LAMA2: variants seen among roughly 807,000 people sequenced by gnomAD.
The protein encoded by LAMA2 is laminin subunit alpha-2.
A neutral mutation model predicts 364.8 loss-of-function variants in LAMA2; 269 were observed. The observed-to-expected ratio is 0.74, with a 90% CI of 0.67 to 0.82. The LOEUF is 0.82. Among genes scored for constraint, LAMA2 ranks in the 40% least tolerant of loss-of-function variants. The pLI is 0.00. For missense variants in LAMA2, 3,807 were observed against 3,873.2 expected, an observed-to-expected ratio of 0.98 and a Z score of 0.45; for synonymous variants, 1,379 against 1,370.6, an observed-to-expected ratio of 1.01 and a Z score of -0.14.
chr6:128,976,446 A>G (rs1459317527), intron 1 of LAMA2, among the ~76,000 whole-genome samples: 12 of 152,184 alleles, frequency 7.9e-5, no homozygotes, highest in Admixed American at 7.2e-4. Context: ...GAACCCAGGG[A>G]AATGGGAGGT....
intron 13 of LAMA2, among the ~76,000 whole-genome samples, chr6:129,251,418 C>T (rs535927978): frequency 7.2e-5 from 11 of 151,988 alleles, no homozygotes; most frequent in South Asian, 2.1e-4. Context: ...ATGTAACTTT[C>T]GTGCACTTTT....
intron 15 of LAMA2, among the ~76,000 whole-genome samples, chr6:129,266,675 A>G (rs939567254): frequency 2.0e-5 from 3 of 152,178 alleles, no homozygotes; most frequent in Non-Finnish European, 2.9e-5. Context: ...AAGTGAACAC[A>G]TTCCAGAGAA....
intron 20 of LAMA2, among the ~76,000 whole-genome samples, chr6:129,297,407 G>A (rs1773253181): frequency 6.6e-6 from 1 of 152,150 alleles, no homozygotes; most frequent in African/African-American, 2.4e-5. Context: ...ATCTTGAGAA[G>A]TACTGGGACA....
At position 129,126,228 on chromosome 6, in the gene LAMA2, TG is replaced by T. The variant is rs570562671; in HGVS notation, c.640-17670del. On this transcript the variant is annotated intron_variant, in intron 4 of 64. Transcript: ENST00000421865. ...AACCAGAAAAACAATTATACTTAGA[TG>T]GGCCATCTAAAATGTCCTTCCAGCT... 8.1e-4 allele frequency among the ~76,000 whole-genome samples: 123 copies of T among 152,368 alleles called. 1 individual carries two copies. Among genetic ancestry groups the T allele is most frequent in the African/African-American group, 2.9e-3 (119 of 41,598 alleles).
Position 129,232,397 on chromosome 6 carries a change from T to C in LAMA2, c.1783-17715T>C, listed in dbSNP as rs1583305328. 2.0e-5 allele frequency among the ~76,000 whole-genome samples: 3 copies of C among 152,104 alleles called. No homozygotes were observed. In the South Asian group the frequency reaches 6.2e-4, roughly 32 times the overall value. On this transcript the variant is annotated intron_variant, in intron 12 of 64. Coordinates refer to ENST00000421865, the MANE Select transcript of LAMA2 (RefSeq NM_000426.4). ...GCTGTCAGAATTTTAAATGTAAGCC[T>C]TCCTTTCCCAGGTGTTATAATTTAA...
chr6:129,182,416 A>G (rs934304508), intron 10 of LAMA2, among the ~76,000 whole-genome samples: 2 of 151,812 alleles, frequency 1.3e-5, no homozygotes, highest in Admixed American at 1.3e-4. Context: ...CTTACAATGT[A>G]TAGAGAAAAA....
intron 22 of LAMA2, among the ~76,000 whole-genome samples, chr6:129,306,264 T>G (rs1280341426): frequency 6.6e-6 from 1 of 151,166 alleles, no homozygotes; most frequent in African/African-American, 2.4e-5. Context: ...CTTCCTAATC[T>G]TTATCATTTT....
In LAMA2 at chr6:129,514,386, T is replaced by C; in HGVS notation, c.9002T>C (p.Val3001Ala). The C allele has an allele frequency of 6.2e-7, 1 of 1,613,406 alleles. No homozygotes were observed. The highest frequency in any genetic ancestry group is 8.5e-7 in the Non-Finnish European group (1 of 1,179,366). The change falls in exon 64 of 65, where the codon GTG (valine) becomes GCG (alanine). Residue 3001 changes from valine (V) to alanine (A), a missense_variant. Transcript: ENST00000421865. ...CCTACTTTCCAGTTGATGTTTCATG[T>C]GGACAATGGTGCGGGCAGATTCACT... ...EMIDEKLMFH[V>A]DNGAGRFTAV...
intron 1 of LAMA2, among the ~76,000 whole-genome samples, chr6:128,988,476 T>C (rs892701845): frequency 2.0e-5 from 3 of 152,182 alleles, no homozygotes; most frequent in Admixed American, 6.5e-5. Flanking sequence ...TATTTTCTAT[T>C]GAACAAAACC....
At chr6:128,950,293 T>TA (rs1437388112) in intron 1 of LAMA2, among the ~76,000 whole-genome samples, 2 of 151,984 alleles carry the variant, frequency 1.3e-5, no homozygotes, top group African/African-American at 4.8e-5. Context: ...TCCAGGAAGA[T>TA]ATGTTCAAAG....
At chr6:129,486,114 A>G (rs1784572615) in intron 55 of LAMA2, among the ~76,000 whole-genome samples, 1 of 152,226 alleles carries the variant, frequency 6.6e-6, no homozygotes, top group Admixed American at 6.5e-5. Context: ...GATTCTCAGA[A>G]GCTAGCTGTC....
chr6:129,107,180 G>T (rs967841282), intron 4 of LAMA2, among the ~76,000 whole-genome samples: 6 of 152,116 alleles, frequency 3.9e-5, no homozygotes, highest in African/African-American at 1.4e-4. Context: ...CTCTGCCAAG[G>T]ATTAACAATA....
intron 1 of LAMA2, among the ~76,000 whole-genome samples, chr6:128,899,522 G>A (rs1776956458): frequency 6.6e-6 from 1 of 152,108 alleles, no homozygotes; most frequent in African/African-American, 2.4e-5. Context: ...CTGACATATG[G>A]TAGGCACTCA....
intron 1 of LAMA2, among the ~76,000 whole-genome samples, chr6:128,973,807 C>T (rs1384539320): frequency 6.6e-6 from 1 of 152,094 alleles, no homozygotes; most frequent in Admixed American, 6.5e-5. Context: ...AAACCTGTCA[C>T]TTTACCTACC....
At chr6:129,222,308 T>A (rs1276048613) in intron 12 of LAMA2, among the ~76,000 whole-genome samples, 1 of 152,120 alleles carries the variant, frequency 6.6e-6, no homozygotes, top group Non-Finnish European at 1.5e-5. Context: ...CTAGGGTTGT[T>A]ATGAAGGTTG....
chr6:129,379,216 A>G (rs9483019), intron 34 of LAMA2, among the ~76,000 whole-genome samples: 3,357 of 152,126 alleles, frequency 0.022, 126 homozygotes, highest in African/African-American at 0.077. Context: ...AGGGCGGAGG[A>G]TGGGAAGGAT....
intron 13 of LAMA2, among the ~76,000 whole-genome samples, chr6:129,251,072 CTCTCTATA>C (rs1188706153): frequency 5.4e-3 from 349 of 64,954 alleles, no homozygotes; most frequent in Middle Eastern, 0.021. Flanking sequence ...CTCTCTCTCT[CTCTCTATA>C]TATATATATA....
intron 22 of LAMA2, among the ~76,000 whole-genome samples, chr6:129,311,587 C>A (rs924507415): frequency 1.3e-5 from 2 of 152,114 alleles, no homozygotes; most frequent in Non-Finnish European, 2.9e-5. Context: ...ATTTGGAGCT[C>A]AGAAACAGTA....
rs1786176420 is a variant in LAMA2 at position 129,251,062 on chromosome 6, CTCTCTCTCTCTCTCTATATATATATA to C, written c.1884+851_1884+876del. Among the ~76,000 whole-genome samples, 6 of 71,272 alleles carry C rather than the reference CTCTCTCTCTCTCTCTATATATATATA, an allele frequency of 8.4e-5. No homozygotes were observed. In the East Asian group the frequency reaches 2.7e-3, roughly 32 times the overall value. The allele number at this position is 71,272 out of a possible 152,430, so 46.8% of individuals were successfully genotyped here. On this transcript the variant is annotated intron_variant, in intron 13 of 64. Transcript: ENST00000421865. ...TCTTTCTCTCTCTCTCTCTCTCTCT[CTCTCTCTCTCTCTCTATATATATATA>C]TATATATATATATATATGGCAACTA... is the stretch of plus-strand genomic sequence containing the variant.
Sources: gnomAD v4.1 joint callset for allele counts (sites outside exome capture counted in the v4.1 genomes callset) on GRCh38, gnomAD v4.1.1 for gene constraint, MANE v1.5 for transcripts, NCBI Gene and HGNC (gene_info 2026-07-23, HGNC 2026-07-21) for gene names.